Variants in TRIM28 observed in about 807,000 individuals in gnomAD.
The protein encoded by TRIM28 is tripartite motif containing 28.
A neutral mutation model predicts 87.4 loss-of-function variants in TRIM28; 8 were observed. The ratio of observed to expected loss-of-function variants is 0.09; its 90% CI spans 0.05 to 0.17. The LOEUF is 0.17. Among genes scored for constraint, TRIM28 ranks in the 10% least tolerant of loss-of-function variants. The pLI is 1.00. For synonymous variants in TRIM28, 601 were observed against 454.3 expected (o/e 1.32, Z -4.11); for missense variants, 968 against 1,131.8 (o/e 0.86, Z 2.08).
chr19:58,546,708 T>C (rs2053764086), intron 3 of TRIM28, among the ~76,000 whole-genome samples: 1 of 152,146 alleles, frequency 6.6e-6, no homozygotes, highest in East Asian at 1.9e-4. Context: ...TGGATTTGGT[T>C]GGTATGTGGG....
rs768831544 is a variant in TRIM28, at chr19:58,547,594, C to T, written c.723-3C>T. 61 of 1,613,874 alleles carry T rather than the reference C, an allele frequency of 3.8e-5. No homozygotes were observed. In the Middle Eastern group the frequency reaches 1.5e-3, roughly 39 times the overall value. ...GCTCAGGAACACATCTGTCTGCTCT[C>T]AGGTACCAGTTCTTAGAGGATGCAG... On this transcript the variant is annotated splice_polypyrimidine_tract_variant and splice_region_variant and intron_variant, in intron 4 of 16. Transcript: ENST00000253024.
Position 58,549,319 on chromosome 19 carries a change from AC to A in TRIM28, c.1663-10del. On this transcript the variant is annotated splice_polypyrimidine_tract_variant and intron_variant, in intron 12 of 16. Coordinates refer to ENST00000253024, the MANE Select transcript of TRIM28 (RefSeq NM_005762.3). The surrounding 1 kb of genome is among the most constrained non-coding windows in gnomAD (Gnocchi z 4.4). ...TGGACCCTGTTGAACACCCCTCATC[AC>A]CACCTTGCAGGAGGAGGAGACGGAG... is the stretch of plus-strand genomic sequence containing the variant. 7 of 1,567,308 alleles carry A rather than the reference AC, an allele frequency of 4.5e-6. No homozygotes were observed. In the South Asian group the frequency reaches 8.3e-5, roughly 19 times the overall value.
At position 58,544,778 on chromosome 19, in the gene TRIM28, A is replaced by AGCCTCGGCAGCAGCG. The variant is rs1170540875; in HGVS notation, c.30_44dup (p.Ala12_Ala16dup). ...TGTGAATGGCGGCCTCCGCGGCGGC[A>AGCCTCGGCAGCAGCG]GCCTCGGCAGCAGCGGCCTCGGCCG... On this transcript the variant is annotated inframe_insertion, in exon 1 of 17. Coordinates refer to ENST00000253024, the MANE Select transcript of TRIM28 (RefSeq NM_005762.3). 2.1e-5 allele frequency: 24 copies of AGCCTCGGCAGCAGCG among 1,160,314 alleles called. No individual in the cohort carries two copies. Among genetic ancestry groups the AGCCTCGGCAGCAGCG allele is most frequent in the Admixed American group, 4.8e-5 (1 of 21,020 alleles). The allele number at this position is 1,160,314 out of a possible 1,614,324, so 71.9% of individuals were successfully genotyped here.
chr19:58,544,900 C>A lies in TRIM28; in HGVS notation c.143C>A (p.Ala48Glu). The change falls in exon 1 of 17, where the codon GCG becomes GAG. Residue 48 changes from alanine (A) to glutamate (E), a missense_variant. Ala to Glu is a moderately radical substitution (Grantham distance 107, BLOSUM62 -1). Transcript: ENST00000253024. ...AAASASASAA[A>E]SSPAGGGAEA... ...GCCTCGGCCTCTGCCTCAGCCGCGG[C>A]GTCGTCGCCCGCGGGGGGCGGCGCC... The A allele has an allele frequency of 7.3e-7, 1 of 1,378,714 alleles. No individual in the cohort carries two copies. The highest frequency in any genetic ancestry group is 3.8e-5 in the Admixed American group (1 of 26,312). The allele number at this position is 1,378,714 out of a possible 1,614,324, so 85.4% of individuals were successfully genotyped here. A position where few individuals can be genotyped will look rare whatever the true frequency, so the allele number is the denominator to read the frequency against.
chr19:58,546,301 A>G (rs371212328), intron 3 of TRIM28, among the ~76,000 whole-genome samples: 1 of 152,280 alleles, frequency 6.6e-6, no homozygotes, highest in African/African-American at 2.4e-5. Context: ...CTGTGGGTCC[A>G]TGGATTATAA....
At position 58,547,479 on chromosome 19, in the gene TRIM28, A is replaced by G. The variant is rs1204578743; in HGVS notation, c.690A>G (p.Arg230=). 4 of 1,614,040 alleles carry G rather than the reference A, an allele frequency of 2.5e-6. No individual in the cohort carries two copies. The highest frequency in any genetic ancestry group is 3.4e-6 in the Non-Finnish European group (4 of 1,180,002). Residue 230 remains arginine (R), a synonymous_variant, in exon 4 of 17, where the codon CGA becomes CGG. Transcript: ENST00000253024. Reference sequence around the variant, plus strand: ...AGAGCTGTGATACTCTCACCTGCCGAGACTGCCAGCTCAATGCCCACAAGG... The same window carrying G: ...AGAGCTGTGATACTCTCACCTGCCGGGACTGCCAGCTCAATGCCCACAAGG... ...FCESCDTLTC[R]DCQLNAHKDH...
At position 58,550,007 on chromosome 19, in the gene TRIM28, A is replaced by G. The variant is rs1474115993; in HGVS notation, c.2165A>G (p.Gln722Arg). The change falls in exon 15 of 17, where the codon CAG becomes CGG. Residue 722 changes from glutamine (Q) to arginine (R), a missense_variant. Physicochemically the swap from Gln to Arg is conservative, Grantham distance 43. Coordinates refer to ENST00000253024, the MANE Select transcript of TRIM28 (RefSeq NM_005762.3). Reference sequence around the variant, plus strand: ...CACGAACCCTGCCGCCCCCTGCATCAGCTGGCTACCGACTCCACCTTCTCC... The same window carrying G: ...CACGAACCCTGCCGCCCCCTGCATCGGCTGGCTACCGACTCCACCTTCTCC... ...FCHEPCRPLHQLATDSTFSLD... is the reference protein window; with the variant it reads ...FCHEPCRPLHRLATDSTFSLD... 2 of 1,614,076 alleles carry G rather than the reference A, an allele frequency of 1.2e-6. No individual in the cohort carries two copies. The highest frequency in any genetic ancestry group is 2.2e-5 in the East Asian group (1 of 44,882).
At chr19:58,547,326 G>A (rs3816329) in intron 3 of TRIM28, 50 bp from the exon 4 acceptor site, 283,844 of 1,598,214 alleles carry the variant, frequency 0.18, 26,152 homozygotes, top group Middle Eastern at 0.27. Flanking sequence ...TGCTTCCTGA[G>A]TTGGGGGTGG....
chr19:58,546,230 C>T (rs892915092), intron 3 of TRIM28, among the ~76,000 whole-genome samples: 5 of 152,094 alleles, frequency 3.3e-5, no homozygotes, highest in Admixed American at 3.3e-4. Flanking sequence ...GTGTGAAGGG[C>T]TTTCTGGGTT....
chr19:58,549,732 C>T lies in TRIM28; in HGVS notation c.1983-5C>T, dbSNP rs149386672. 1.1e-4 allele frequency: 174 copies of T among 1,605,804 alleles called. No individual in the cohort carries two copies. Among genetic ancestry groups the T allele is most frequent in the Admixed American group, 7.2e-4 (43 of 59,682 alleles). ...ATGTGCAGACCCTTATTTTCTTCACCCTAGGGAGGAGTGGAGCTGCTCACT... is the reference window on the plus strand; with the variant it reads ...ATGTGCAGACCCTTATTTTCTTCACTCTAGGGAGGAGTGGAGCTGCTCACT... On this transcript the variant is annotated splice_polypyrimidine_tract_variant and splice_region_variant and intron_variant, in intron 13 of 16. Coordinates refer to ENST00000253024, the MANE Select transcript of TRIM28 (RefSeq NM_005762.3). This position sits in a 1 kb window ranked among gnomAD's most constrained non-coding sequence, Gnocchi z 4.4.
Position 58,544,743 on chromosome 19 carries a change from C to A in TRIM28, c.-15C>A. ...CGCCCCTCCTCCCCCCCTGGGCGCCCCCGGCGGCGTGTGAATGGCGGCCTC... is the reference window on the plus strand; with the variant it reads ...CGCCCCTCCTCCCCCCCTGGGCGCCACCGGCGGCGTGTGAATGGCGGCCTC... On this transcript the variant is annotated 5_prime_UTR_variant, in exon 1 of 17. Transcript: ENST00000253024. 6 of 1,078,402 alleles carry A rather than the reference C, an allele frequency of 5.6e-6. No homozygotes were observed. The highest frequency in any genetic ancestry group is 6.7e-6 in the Non-Finnish European group (6 of 891,892). 66.8% of individuals were successfully genotyped at this position (1,078,402 alleles called of 1,614,324 possible).
Position 58,549,802 on chromosome 19 carries a change from G to T in TRIM28, c.2048G>T (p.Ser683Ile). 1 of 1,612,872 alleles carries T rather than the reference G, an allele frequency of 6.2e-7. No homozygotes were observed. The highest frequency in any genetic ancestry group is 1.7e-5 in the Admixed American group (1 of 60,000). The change falls in exon 14 of 17, where the codon AGC (serine) becomes ATC (isoleucine). Residue 683 changes from serine (S) to isoleucine (I), a missense_variant. Ser to Ile is a moderately radical substitution (Grantham distance 142). This residue lies in a region of TRIM28 where 192 missense variants were observed against 225.6 expected (regional missense o/e 0.85). Transcript: ENST00000253024. The surrounding 1 kb of genome is among the most constrained non-coding windows in gnomAD (Gnocchi z 4.4). ...CTGAAGGAGGAGGATGGCAGCCTCA[G>T]CCTGGATGGTGCAGACAGCACTGGC... Reference protein sequence around the residue: ...PDLKEEDGSLSLDGADSTGVV... With the variant: ...PDLKEEDGSLILDGADSTGVV...
At chr19:58,546,385 C>G (rs376093110) in intron 3 of TRIM28, among the ~76,000 whole-genome samples, 1 of 152,146 alleles carries the variant, frequency 6.6e-6, no homozygotes, top group South Asian at 2.1e-4. Context: ...TTGGCATTTC[C>G]AGCTTTTCAC....
rs2053797697 is a variant in TRIM28 at position 58,549,780 on chromosome 19, A to G, written c.2026A>G (p.Lys676Glu). 1.9e-6 allele frequency: 3 copies of G among 1,612,248 alleles called. No homozygotes were observed. Among genetic ancestry groups the G allele is most frequent in the Admixed American group, 1.7e-5 (1 of 59,926 alleles). ...ACTCTGCCATGTGCTCCCTGACCTGAAGGAGGAGGATGGCAGCCTCAGCCT... is the reference window on the plus strand; with the variant it reads ...ACTCTGCCATGTGCTCCCTGACCTGGAGGAGGAGGATGGCAGCCTCAGCCT... ...CSLCHVLPDL[K>E]EEDGSLSLDG... Residue 676 changes from lysine (K) to glutamate (E), a missense_variant, in exon 14 of 17, where the codon AAG becomes GAG. Physicochemically the swap from Lys to Glu is moderately conservative, Grantham distance 56 (BLOSUM62 1). This residue lies in a region of TRIM28 where 192 missense variants were observed against 225.6 expected (regional missense o/e 0.85). Coordinates refer to ENST00000253024, the MANE Select transcript of TRIM28 (RefSeq NM_005762.3). This position sits in a 1 kb window ranked among gnomAD's most constrained non-coding sequence, Gnocchi z 4.4.
intron 3 of TRIM28, among the ~76,000 whole-genome samples, chr19:58,546,725 GTGTT>G (rs113455829): frequency 1.7e-3 from 257 of 152,302 alleles, no homozygotes; most frequent in African/African-American, 3.8e-3. Context: ...TGGGACCAGT[GTGTT>G]TGATCAGTTT....
intron 9 of TRIM28, 68 bp from the exon 10 acceptor site, chr19:58,548,672 G>C: frequency 6.2e-7 from 1 of 1,605,638 alleles, no homozygotes; most frequent in South Asian, 1.1e-5. Context: ...GGCAGGGGGG[G>C]TGGGCAGGGA....
At chr19:58,550,101 T>C (rs749013349) in intron 15 of TRIM28, 46 bp from the exon 16 acceptor site, 3 of 1,613,494 alleles carry the variant, frequency 1.9e-6, no homozygotes, top group South Asian at 1.1e-5. Context: ...AACCTGTGCA[T>C]GTATATGTGT....
At chr19:58,545,132 T>C (rs990066169) in intron 1 of TRIM28, 35 bp downstream of exon 1, 2 of 1,383,560 alleles carry the variant, frequency 1.4e-6, no homozygotes, top group Non-Finnish European at 1.9e-6. Flanking sequence ...CCCCTCCCCC[T>C]ACTCTCTGCC....
chr19:58,545,350 C>T, intron 1 of TRIM28, 75 bp from the exon 2 acceptor site: 21 of 1,251,644 alleles, frequency 1.7e-5, no homozygotes, highest in Non-Finnish European at 2.2e-5. Flanking sequence ...CGGGGGCCCA[C>T]CCAGCAGGGG....
Sources: gnomAD v4.1 joint callset for allele counts (sites outside exome capture counted in the v4.1 genomes callset) on GRCh38, gnomAD v4.1.1 for gene constraint, gnomAD v4.1.1 regional missense constraint, Gnocchi (gnomAD v3.1) non-coding constraint, MANE v1.5 for transcripts, NCBI Gene and HGNC (gene_info 2026-07-23, HGNC 2026-07-21) for gene names.